CAMK1D: variants seen among roughly 807,000 people sequenced by gnomAD.
CAMK1D encodes the protein calcium/calmodulin-dependent protein kinase type 1D.
Under a neutral mutation model 47.7 loss-of-function variants are expected in CAMK1D, and 9 were observed. The observed-to-expected ratio is 0.19, with a 90% confidence interval of 0.11 to 0.33. The LOEUF is 0.33. Among genes scored for constraint, CAMK1D ranks in the 10% least tolerant of loss-of-function variants. The pLI is 1.00. For synonymous variants in CAMK1D, 184 were observed against 184.9 expected, an observed-to-expected ratio of 0.99 and a Z score of 0.04; for missense variants, 291 against 488.7, an observed-to-expected ratio of 0.60 and a Z score of 3.81.
At chr10:12,523,479 C>G (rs1025613896) in intron 1 of CAMK1D, among the ~76,000 whole-genome samples, 4 of 152,182 alleles carry the variant, frequency 2.6e-5, no homozygotes, top group African/African-American at 9.7e-5. Context: ...GAATGAGACT[C>G]CGTCTGCAAT....
chr10:12,744,121 G>T (rs914588671), intron 3 of CAMK1D, among the ~76,000 whole-genome samples: 1 of 151,936 alleles, frequency 6.6e-6, no homozygotes, highest in African/African-American at 2.4e-5. Context: ...TTAGCATAAT[G>T]TTTTCAATGT....
chr10:12,395,313 C>T (rs530883330), intron 1 of CAMK1D, among the ~76,000 whole-genome samples: 5 of 151,892 alleles, frequency 3.3e-5, no homozygotes, highest in East Asian at 1.9e-4. Context: ...CTGCAGCCCC[C>T]GCCTCCGCAG....
At chr10:12,680,088 A>G (rs1427388770) in intron 3 of CAMK1D, among the ~76,000 whole-genome samples, 1 of 152,138 alleles carries the variant, frequency 6.6e-6, no homozygotes, top group Non-Finnish European at 1.5e-5. Flanking sequence ...TCATTCATTC[A>G]CTCAACAAGT....
chr10:12,570,431 C>T lies in CAMK1D; in HGVS notation c.224+17075C>T, dbSNP rs186849482. Among the ~76,000 whole-genome samples the T allele has an allele frequency of 2.8e-3, 419 of 152,064 alleles. 1 individual carries two copies. Among genetic ancestry groups the T allele is most frequent in the African/African-American group, 9.7e-3 (401 of 41,478 alleles). ...CAGTGGCTCACACCTGTAATCCCAGCATTTTGGGAGGCCGAGATGGGTGGA... is the reference window on the plus strand; with the variant it reads ...CAGTGGCTCACACCTGTAATCCCAGTATTTTGGGAGGCCGAGATGGGTGGA... On this transcript the variant is annotated intron_variant, in intron 2 of 10. Coordinates refer to ENST00000619168, the MANE Select transcript of CAMK1D (RefSeq NM_153498.4).
intron 2 of CAMK1D, among the ~76,000 whole-genome samples, chr10:12,661,942 G>T (rs557756233): frequency 6.6e-6 from 1 of 152,206 alleles, no homozygotes; most frequent in Non-Finnish European, 1.5e-5. Flanking sequence ...ATTATGTGGT[G>T]TGTAGAGCTG....
chr10:12,673,137 G>A (rs182361034), intron 3 of CAMK1D, among the ~76,000 whole-genome samples: 3 of 151,622 alleles, frequency 2.0e-5, no homozygotes, highest in Non-Finnish European at 2.9e-5. Flanking sequence ...CTCCTGTCTC[G>A]GCCTCCCAAA....
At chr10:12,570,194 C>T (rs886117247) in intron 2 of CAMK1D, among the ~76,000 whole-genome samples, 9 of 151,662 alleles carry the variant, frequency 5.9e-5, no homozygotes, top group African/African-American at 1.2e-4. Context: ...AGTGAGACTA[C>T]GTCTCAAAAA....
At chr10:12,630,416 G>A (rs944170579) in intron 2 of CAMK1D, among the ~76,000 whole-genome samples, 1 of 144,394 alleles carries the variant, frequency 6.9e-6, no homozygotes, top group African/African-American at 2.6e-5. Flanking sequence ...TCACTCAGTA[G>A]CCCAGGCTGG....
intron 1 of CAMK1D, among the ~76,000 whole-genome samples, chr10:12,482,557 A>G (rs1013875312): frequency 6.6e-6 from 1 of 152,238 alleles, no homozygotes; most frequent in Admixed American, 6.5e-5. Context: ...TCAGAGGAAT[A>G]GCAGAGAAAA....
chr10:12,557,285 C>CA (rs1475927550), intron 2 of CAMK1D, among the ~76,000 whole-genome samples: 3 of 152,160 alleles, frequency 2.0e-5, no homozygotes, highest in Admixed American at 2.0e-4. Flanking sequence ...TGCCACGGCT[C>CA]ACGCCTGTAA....
At chr10:12,782,996 GT>G (rs869121653) in intron 5 of CAMK1D, among the ~76,000 whole-genome samples, 196 of 85,616 alleles carry the variant, frequency 2.3e-3, no homozygotes, top group Admixed American at 3.3e-3. Flanking sequence ...TTTTTTTTTT[GT>G]TTTTTTTTTT....
chr10:12,793,531 A>G (rs1212071588), intron 6 of CAMK1D, among the ~76,000 whole-genome samples: 1 of 152,232 alleles, frequency 6.6e-6, no homozygotes, highest in Admixed American at 6.5e-5. Context: ...TAAACAACAG[A>G]TATTTATTTC....
intron 2 of CAMK1D, among the ~76,000 whole-genome samples, chr10:12,616,258 G>A (rs1428578465): frequency 6.6e-6 from 1 of 152,152 alleles, no homozygotes; most frequent in African/African-American, 2.4e-5. Flanking sequence ...TCCAAGTATG[G>A]GCAGGCTTGA....
chr10:12,653,186 C>G (rs1433739601), intron 2 of CAMK1D: 1 of 154,286 alleles, frequency 6.5e-6, no homozygotes, highest in African/African-American at 2.4e-5. Context: ...TAAAAAACCA[C>G]CAGCCCACTC....
chr10:12,787,632 C>A (rs1239112386), intron 5 of CAMK1D, among the ~76,000 whole-genome samples: 1 of 152,266 alleles, frequency 6.6e-6, no homozygotes, highest in Non-Finnish European at 1.5e-5. Flanking sequence ...GCTTCCTTGT[C>A]TGTGCTCCTT....
At chr10:12,659,159 A>G (rs1419468813) in intron 2 of CAMK1D, among the ~76,000 whole-genome samples, 2 of 152,198 alleles carry the variant, frequency 1.3e-5, no homozygotes, top group Non-Finnish European at 2.9e-5. Context: ...CCCCTGTCGC[A>G]CACCCTGCAA....
intron 1 of CAMK1D, among the ~76,000 whole-genome samples, chr10:12,543,634 C>A (rs762407516): frequency 6.6e-6 from 1 of 152,154 alleles, no homozygotes; most frequent in Non-Finnish European, 1.5e-5. Flanking sequence ...GGATAAAAAA[C>A]CAGTTCACAA....
intron 1 of CAMK1D, among the ~76,000 whole-genome samples, chr10:12,406,811 CT>C (rs1276168973): frequency 1.3e-5 from 2 of 149,454 alleles, no homozygotes; most frequent in East Asian, 3.9e-4. Flanking sequence ...TCCTCCATTG[CT>C]GCGTAATAAG....
intron 2 of CAMK1D, among the ~76,000 whole-genome samples, chr10:12,587,255 C>A (rs1837845786): frequency 6.6e-6 from 1 of 152,150 alleles, no homozygotes; most frequent in Admixed American, 6.5e-5. Flanking sequence ...GAGTAGCCAG[C>A]CCACGATCGC....
Sources: gnomAD v4.1 joint callset for allele counts (sites outside exome capture counted in the v4.1 genomes callset) on GRCh38, gnomAD v4.1.1 for gene constraint, MANE v1.5 for transcripts, NCBI Gene and HGNC (gene_info 2026-07-23, HGNC 2026-07-21) for gene names.